Variants in ADAMTSL1 observed in about 807,000 individuals in gnomAD.
ADAMTSL1 encodes ADAMTS like 1, also known as ADAMTS-like protein 1.
Under a neutral mutation model 201.8 loss-of-function variants are expected in ADAMTSL1, and 126 were observed. That is an observed-to-expected ratio of 0.62 (90% CI 0.54 to 0.72). The LOEUF (loss-of-function observed/expected upper bound fraction) is 0.72. Ranked by LOEUF, ADAMTSL1 falls within the 30% of genes least tolerant of loss-of-function variation. ADAMTSL1 has a pLI of 0.00. For missense variants in ADAMTSL1, 2,679 were observed against 2,277.8 expected (o/e 1.18, Z -3.59); for synonymous variants, 1,121 against 903.4 (o/e 1.24, Z -4.32).
At chr9:18,157,476 C>T (rs1179174231) in intron 1 of ADAMTSL1, among the ~76,000 whole-genome samples, 1 of 151,890 alleles carries the variant, frequency 6.6e-6, no homozygotes, top group Non-Finnish European at 1.5e-5. Context: ...TGGGACAGAT[C>T]TTTAAATTCA....
At chr9:18,254,367 T>TTG (rs1831589572) in intron 2 of ADAMTSL1, among the ~76,000 whole-genome samples, 1 of 113,612 alleles carries the variant, frequency 8.8e-6, no homozygotes, top group Non-Finnish European at 1.8e-5. Context: ...TTTTTTTTTT[T>TTG]TTTTTTTTTT....
chr9:18,503,603 A>C (rs1382644697), intron 1 of ADAMTSL1, among the ~76,000 whole-genome samples: 2 of 152,072 alleles, frequency 1.3e-5, no homozygotes, highest in East Asian at 1.9e-4. Context: ...AAACTAAAGC[A>C]TATGAGATTG....
intron 1 of ADAMTSL1, among the ~76,000 whole-genome samples, chr9:17,960,345 A>G (rs543104737): frequency 1.3e-5 from 2 of 152,320 alleles, no homozygotes; most frequent in South Asian, 4.1e-4. Context: ...TGGGAAATGT[A>G]TTCTTTATTC....
intron 23 of ADAMTSL1, among the ~76,000 whole-genome samples, chr9:18,857,982 G>C (rs941251079): frequency 1.3e-5 from 2 of 151,900 alleles, no homozygotes; most frequent in African/African-American, 2.4e-5. Context: ...ATAGTATTTA[G>C]ACACCAAGAT....
At chr9:18,480,349 T>A (rs1821662059) in intron 1 of ADAMTSL1, among the ~76,000 whole-genome samples, 1 of 152,176 alleles carries the variant, frequency 6.6e-6, no homozygotes, top group Non-Finnish European at 1.5e-5. Context: ...CCTCAGCCTA[T>A]GTGATCCTCC....
intron 2 of ADAMTSL1, among the ~76,000 whole-genome samples, chr9:18,255,999 C>T (rs562888435): frequency 6.6e-6 from 1 of 152,206 alleles, no homozygotes; most frequent in Non-Finnish European, 1.5e-5. Flanking sequence ...GTCTGGATGA[C>T]TACAACATTA....
At chr9:18,071,044 G>A (rs1586982628) in intron 1 of ADAMTSL1, among the ~76,000 whole-genome samples, 1 of 152,164 alleles carries the variant, frequency 6.6e-6, no homozygotes. Flanking sequence ...GAGGGGTCAG[G>A]GGACTAAGGA....
intron 1 of ADAMTSL1, among the ~76,000 whole-genome samples, chr9:18,493,761 A>G (rs910390052): frequency 1.3e-5 from 2 of 152,108 alleles, no homozygotes; most frequent in African/African-American, 4.8e-5. Context: ...CTCTGTCTTT[A>G]GATAATCTGA....
At chr9:18,671,825 CAGG>C (rs1240060890) in intron 9 of ADAMTSL1, among the ~76,000 whole-genome samples, 9 of 152,076 alleles carry the variant, frequency 5.9e-5, no homozygotes, top group African/African-American at 2.2e-4. Flanking sequence ...ATCACGAGGG[CAGG>C]AGATCGAGAC....
At position 18,581,363 on chromosome 9, in the gene ADAMTSL1, T is replaced by C. The variant is rs186076431; in HGVS notation, c.474+7097T>C. Among the ~76,000 whole-genome samples the C allele has an allele frequency of 2.6e-5, 4 of 152,328 alleles. No individual in the cohort carries two copies. The East Asian group carries it at 5.8e-4, about 22-fold the overall frequency. ...CTATTTCCTAAAAAGGTCACATTTA[T>C]AGGCATCAGAGGTTTTGACTTTAGC... On this transcript the variant is annotated intron_variant, in intron 4 of 28. Coordinates refer to ENST00000380548, the MANE Select transcript of ADAMTSL1 (RefSeq NM_001040272.6).
rs1157492042 is a variant in ADAMTSL1 at position 18,124,077 on chromosome 9, G to GTTTTTT, written c.88-39767_88-39762dup. On this transcript the variant is annotated intron_variant, in intron 1 of 29. Transcript: ENST00000680146. ...TATCTTTTTATGTGCTTATTTGCCA[G>GTTTTTT]TTTTTTTTTTTTTTTTTTTTTTTGA... Among the ~76,000 whole-genome samples the GTTTTTT allele has an allele frequency of 1.4e-3, 99 of 70,806 alleles. 1 individual carries two copies. The highest frequency in any genetic ancestry group is 2.6e-3 in the South Asian group (4 of 1,532). 46.5% of individuals were successfully genotyped at this position (70,806 alleles called of 152,430 possible).
chr9:18,282,204 G>A (rs1369673795), intron 2 of ADAMTSL1, among the ~76,000 whole-genome samples: 1 of 152,140 alleles, frequency 6.6e-6, no homozygotes, highest in Non-Finnish European at 1.5e-5. Context: ...TTGGTATAAT[G>A]GCTACCTGAT....
chr9:18,344,065 T>C (rs999388893), intron 2 of ADAMTSL1, among the ~76,000 whole-genome samples: 1 of 152,098 alleles, frequency 6.6e-6, no homozygotes, highest in African/African-American at 2.4e-5. Context: ...AAAAAACCAT[T>C]AGATAACAGT....
chr9:18,513,564 T>C (rs1470553045), intron 2 of ADAMTSL1, among the ~76,000 whole-genome samples: 3 of 152,234 alleles, frequency 2.0e-5, no homozygotes, highest in Admixed American at 6.5e-5. Context: ...GAGAGATCAT[T>C]GCCAAATCAA....
intron 1 of ADAMTSL1, among the ~76,000 whole-genome samples, chr9:18,151,236 C>G (rs1047202335): frequency 9.9e-5 from 15 of 151,994 alleles, no homozygotes; most frequent in African/African-American, 3.4e-4. Flanking sequence ...TAACAGCAAA[C>G]AAAAAACCTT....
At position 18,786,982 on chromosome 9, in the gene ADAMTSL1, C is replaced by T. The variant is rs78946827; in HGVS notation, c.3678-8415C>T. 7.1e-3 allele frequency among the ~76,000 whole-genome samples: 1,087 copies of T among 152,256 alleles called. 12 individuals are homozygous for T. The highest frequency in any genetic ancestry group is 0.025 in the African/African-American group (1,043 of 41,540). On this transcript the variant is annotated intron_variant, in intron 19 of 28. Coordinates refer to ENST00000380548, the MANE Select transcript of ADAMTSL1 (RefSeq NM_001040272.6). Reference sequence around the variant, plus strand: ...AGAGTATCAGCAGATGGAAACTTCTCAGAATGGAAGTGAAGATCAGATGGG... The same window carrying T: ...AGAGTATCAGCAGATGGAAACTTCTTAGAATGGAAGTGAAGATCAGATGGG...
intron 7 of ADAMTSL1, among the ~76,000 whole-genome samples, chr9:18,651,901 T>TAAG (rs5896792): frequency 6.9e-6 from 1 of 145,096 alleles, no homozygotes; most frequent in Non-Finnish European, 1.5e-5. Flanking sequence ...ATTTATTAAG[T>TAAG]TTATAAAATT....
chr9:18,000,738 T>A (rs1391759568), intron 1 of ADAMTSL1, among the ~76,000 whole-genome samples: 2 of 152,112 alleles, frequency 1.3e-5, no homozygotes, highest in Non-Finnish European at 2.9e-5. Context: ...ACTGGAAGGC[T>A]ATGAGATTAT....
chr9:18,396,313 T>G (rs941790103), intron 2 of ADAMTSL1, among the ~76,000 whole-genome samples: 2 of 152,136 alleles, frequency 1.3e-5, no homozygotes, highest in African/African-American at 2.4e-5. Flanking sequence ...CCTGGACTTA[T>G]TCAATATAAA....
Sources: allele counts gnomAD v4.1 joint callset (sites outside exome capture counted in the v4.1 genomes callset), GRCh38; gene constraint gnomAD v4.1.1; transcripts MANE v1.5; gene names NCBI Gene and HGNC (gene_info 2026-07-23, HGNC 2026-07-21).